Variants in LRAT observed in about 807,000 individuals in gnomAD.
LRAT encodes the protein lecithin retinol acyltransferase.
A neutral mutation model predicts 14.2 loss-of-function variants in LRAT; 11 were observed. The ratio of observed to expected loss-of-function variants is 0.78; its 90% confidence interval spans 0.49 to 1.29. The LOEUF is 1.29. Ranked by LOEUF, LRAT falls within the 50% of genes most tolerant of loss-of-function variation. The pLI, the probability that LRAT is intolerant of heterozygous loss-of-function variation, is 0.00. For synonymous variants in LRAT, 144 were observed against 124.8 expected, an observed-to-expected ratio of 1.15 and a Z score of -1.03; for missense variants, 274 against 292.4, an observed-to-expected ratio of 0.94 and a Z score of 0.46.
upstream of LRAT, among the ~76,000 whole-genome samples, chr4:154,742,717 C>T (rs1732790417): frequency 6.6e-6 from 1 of 152,128 alleles, no homozygotes; most frequent in Non-Finnish European, 1.5e-5. Context: ...AACGCTTCAG[C>T]GGCTCCCTCA....
rs747476694 is a variant in LRAT, at chr4:154,744,031, GC to G, written c.-188del. Reference sequence around the variant, plus strand: ...CGCGCGCGGCCCTGCCCCCGGCACGGCCCCCAGGTGCGCTCCTTCTCCGGCT... The same window carrying G: ...CGCGCGCGGCCCTGCCCCCGGCACGGCCCCAGGTGCGCTCCTTCTCCGGCT... On this transcript the variant is annotated 5_prime_UTR_variant, in exon 1 of 3. Transcript: ENST00000336356. 2.2e-6 allele frequency: 1 copy of G among 459,828 alleles called. No homozygotes were observed. The highest frequency in any genetic ancestry group is 4.0e-6 in the Non-Finnish European group (1 of 249,888). The allele number at this position is 459,828 out of a possible 1,614,324, so 28.5% of individuals were successfully genotyped here.
chr4:154,744,337 C>T lies in LRAT; in HGVS notation c.11C>T (p.Pro4Leu). ...CCTCTTCCCTGCAGGATGAAGAACC[C>T]CATGCTGGAGGTGGTGTCTTTACTA... MKN[P>L]MLEVVSLLLE... Residue 4 changes from proline (P) to leucine (L), a missense_variant, in exon 2 of 3, where the codon CCC (proline) becomes CTC (leucine). Physicochemically the swap from Pro to Leu is moderately conservative, Grantham distance 98. Transcript: ENST00000336356. 1 of 1,614,144 alleles carries T rather than the reference C, an allele frequency of 6.2e-7. No individual in the cohort carries two copies. Among genetic ancestry groups the T allele is most frequent in the Non-Finnish European group, 8.5e-7 (1 of 1,180,042 alleles).
At chr4:154,747,806 A>G (rs1057141587) in intron 2 of LRAT, among the ~76,000 whole-genome samples, 20 of 152,138 alleles carry the variant, frequency 1.3e-4, no homozygotes, top group Non-Finnish European at 2.5e-4. Context: ...TAGTTTATTA[A>G]AAAAGGACAA....
chr4:154,747,619 C>T (rs1274825785), intron 2 of LRAT, among the ~76,000 whole-genome samples: 2 of 151,876 alleles, frequency 1.3e-5, no homozygotes, highest in South Asian at 2.1e-4. Flanking sequence ...GAAATACAGT[C>T]GAAAATGATT....
At chr4:154,746,579 A>G (rs1220767280) in intron 2 of LRAT, among the ~76,000 whole-genome samples, 2 of 152,192 alleles carry the variant, frequency 1.3e-5, no homozygotes, top group African/African-American at 2.4e-5. Context: ...CAAAGTGTAC[A>G]AAAGGAAACA....
rs1407863514 is a variant in LRAT, at chr4:154,753,100, TAA to T, written c.*3966_*3967del. On this transcript the variant is annotated 3_prime_UTR_variant, in exon 3 of 3. Transcript: ENST00000336356. Reference sequence around the variant, plus strand: ...ATATTTGGTATACATGCATGTCAAATAAAGTTAATTTTACATACTATTCTCTC... The same window carrying T: ...ATATTTGGTATACATGCATGTCAAATAGTTAATTTTACATACTATTCTCTC... 2.0e-5 allele frequency: 3 copies of T among 152,238 alleles called. No individual in the cohort carries two copies. Among genetic ancestry groups the T allele is most frequent in the African/African-American group, 7.2e-5 (3 of 41,472 alleles). 9.4% of individuals were successfully genotyped at this position (152,238 alleles called of 1,614,324 possible). A position where few individuals can be genotyped will look rare whatever the true frequency, so the allele number is the denominator to read the frequency against.
In LRAT at chr4:154,744,811, A is replaced by T; in HGVS notation, c.485A>T (p.Glu162Val). Residue 162 changes from glutamate (E) to valine (V), a missense_variant, in exon 2 of 3, where the codon GAG becomes GTG. Physicochemically the swap from Glu to Val is moderately radical, Grantham distance 121. Transcript: ENST00000336356. ...TPYSLLWNNC[E>V]HFVTYCRYGT... ...TACAGCCTGCTGTGGAACAACTGCGAGCACTTCGTGACCTACTGCAGATAT... is the reference window on the plus strand; with the variant it reads ...TACAGCCTGCTGTGGAACAACTGCGTGCACTTCGTGACCTACTGCAGATAT... 1 of 1,613,976 alleles carries T rather than the reference A, an allele frequency of 6.2e-7. No homozygotes were observed. The highest frequency in any genetic ancestry group is 8.5e-7 in the Non-Finnish European group (1 of 1,180,024).
At position 154,753,009 on chromosome 4, in the gene LRAT, A is replaced by G. The variant is rs1255652843; in HGVS notation, c.*3873A>G. 3 of 152,216 alleles carry G rather than the reference A, an allele frequency of 2.0e-5. No individual in the cohort carries two copies. The highest frequency in any genetic ancestry group is 6.5e-5 in the Admixed American group (1 of 15,286). 9.4% of individuals were successfully genotyped at this position (152,216 alleles called of 1,614,324 possible). On this transcript the variant is annotated 3_prime_UTR_variant, in exon 3 of 3. Transcript: ENST00000336356. ...GAGAAGCATATAAGAAATGGTTGCC[A>G]ATCTTTGTTTTGTATGATCTATTTA... is the stretch of plus-strand genomic sequence containing the variant.
At position 154,744,321 on chromosome 4, in the gene LRAT, T is replaced by C; in HGVS notation, c.-1-5T>C. 6.2e-7 allele frequency: 1 copy of C among 1,613,964 alleles called. No individual in the cohort carries two copies. On this transcript the variant is annotated splice_polypyrimidine_tract_variant and splice_region_variant and intron_variant, in intron 1 of 2. Coordinates refer to ENST00000336356, the MANE Select transcript of LRAT (RefSeq NM_004744.5). Reference sequence around the variant, plus strand: ...CACCTCTCCAAGACGCCCTCTTCCCTGCAGGATGAAGAACCCCATGCTGGA... The same window carrying C: ...CACCTCTCCAAGACGCCCTCTTCCCCGCAGGATGAAGAACCCCATGCTGGA...
At chr4:154,742,432 G>C (rs981336976), upstream of LRAT, among the ~76,000 whole-genome samples, 5 of 152,076 alleles carry the variant, frequency 3.3e-5, no homozygotes, top group Non-Finnish European at 7.4e-5. Context: ...CGGCCTCCAA[G>C]GATAATGGGG....
chr4:154,746,788 CT>C, intron 2 of LRAT, among the ~76,000 whole-genome samples: 1 of 152,202 alleles, frequency 6.6e-6, no homozygotes, highest in African/African-American at 2.4e-5. Context: ...AGTTTTTCAT[CT>C]TTGGAAACTT....
chr4:154,744,460 T>C lies in LRAT; in HGVS notation c.134T>C (p.Phe45Ser), dbSNP rs1451408966. ...AACAGTTTTTATGAAACCAGCTCTTTCCACCGAGGCGACGTGCTGGAGGTG... is the reference window on the plus strand; with the variant it reads ...AACAGTTTTTATGAAACCAGCTCTTCCCACCGAGGCGACGTGCTGGAGGTG... The part of the protein sequence containing the change: ...GRNSFYETSS[F>S]HRGDVLEVPR... Residue 45 changes from phenylalanine to serine, a missense_variant, in exon 2 of 3, where the codon TTC becomes TCC. Physicochemically the swap from Phe to Ser is radical, Grantham distance 155. Transcript: ENST00000336356. 10 of 1,613,994 alleles carry C rather than the reference T, an allele frequency of 6.2e-6. No homozygotes were observed. Among genetic ancestry groups the C allele is most frequent in the Non-Finnish European group, 2.5e-6 (3 of 1,180,004 alleles).
chr4:154,742,240 T>C (rs1732782231), upstream of LRAT, among the ~76,000 whole-genome samples: 4 of 152,150 alleles, frequency 2.6e-5, no homozygotes. Flanking sequence ...TAAAAAAATC[T>C]CCACGTCCAC....
In LRAT at chr4:154,744,815, C is replaced by A; in HGVS notation, c.489C>A (p.His163Gln). The A allele has an allele frequency of 6.2e-7, 1 of 1,613,988 alleles. No individual in the cohort carries two copies. The highest frequency in any genetic ancestry group is 8.5e-7 in the Non-Finnish European group (1 of 1,180,020). ...PYSLLWNNCE[H>Q]FVTYCRYGTP... The stretch of plus-strand genomic sequence containing the variant: ...GCCTGCTGTGGAACAACTGCGAGCA[C>A]TTCGTGACCTACTGCAGATATGGCA... Residue 163 changes from histidine (H) to glutamine (Q), a missense_variant, in exon 2 of 3, where the codon CAC (histidine) becomes CAA (glutamine). Coordinates refer to ENST00000336356, the MANE Select transcript of LRAT (RefSeq NM_004744.5).
In LRAT at chr4:154,744,723, A is replaced by G. The variant is rs1423086765; in HGVS notation, c.397A>G (p.Lys133Glu). 1.9e-6 allele frequency: 3 copies of G among 1,614,022 alleles called. No individual in the cohort carries two copies. Among genetic ancestry groups the G allele is most frequent in the Non-Finnish European group, 2.5e-6 (3 of 1,179,986 alleles). ...LVNHLDESLQ[K>E]KALLNEEVAR... ...CAATCACCTGGACGAGTCCCTCCAG[A>G]AAAAGGCACTGCTCAACGAGGAGGT... The change falls in exon 2 of 3, where the codon AAA becomes GAA. Residue 133 changes from lysine (K) to glutamate (E), a missense_variant. Lys to Glu is a moderately conservative substitution (Grantham distance 56). Coordinates refer to ENST00000336356, the MANE Select transcript of LRAT (RefSeq NM_004744.5).
At chr4:154,742,170 A>G (rs1197240010), upstream of LRAT, among the ~76,000 whole-genome samples, 1 of 152,094 alleles carries the variant, frequency 6.6e-6, no homozygotes, top group African/African-American at 2.4e-5. Context: ...GCAGCTGATG[A>G]GTTTCAGCAA....
In LRAT at chr4:154,751,278, T is replaced by G. The variant is rs1732984028; in HGVS notation, c.*2142T>G. 1 of 152,300 alleles carries G rather than the reference T, an allele frequency of 6.6e-6. No homozygotes were observed. Among genetic ancestry groups the G allele is most frequent in the Non-Finnish European group, 1.5e-5 (1 of 68,022 alleles). The allele number at this position is 152,300 out of a possible 1,614,324, so 9.4% of individuals were successfully genotyped here. A position where few individuals can be genotyped will look rare whatever the true frequency, so the allele number is the denominator to read the frequency against. ...TATCACACTGATGTGTTCAACTGTT[T>G]ATGGGAAAAGGAAACTAGGATGGTT... On this transcript the variant is annotated 3_prime_UTR_variant, in exon 3 of 3. Transcript: ENST00000336356.
Position 154,744,722 on chromosome 4 carries a change from GA to G in LRAT, c.401del (p.Lys134ArgfsTer32). The G allele has an allele frequency of 2.5e-6, 4 of 1,614,212 alleles. No homozygotes were observed. Among genetic ancestry groups the G allele is most frequent in the Non-Finnish European group, 3.4e-6 (4 of 1,180,046 alleles). ...LVNHLDESLQ[K>X]KALLNEEVAR... is the part of the protein sequence containing the mutation. ...TCAATCACCTGGACGAGTCCCTCCA[GA>G]AAAAGGCACTGCTCAACGAGGAGGT... On this transcript the variant is annotated frameshift_variant, in exon 2 of 3. Transcript: ENST00000336356. LOFTEE classifies it high-confidence loss of function.
At position 154,752,802 on chromosome 4, in the gene LRAT, T is replaced by A. The variant is rs1733023449; in HGVS notation, c.*3666T>A. Reference sequence around the variant, plus strand: ...TATTGGATACTCCTAATTTTAGCTCTGTTAGATATGTTTCTTTCTAAGGAC... The same window carrying A: ...TATTGGATACTCCTAATTTTAGCTCAGTTAGATATGTTTCTTTCTAAGGAC... On this transcript the variant is annotated 3_prime_UTR_variant, in exon 3 of 3. Transcript: ENST00000336356. The A allele has an allele frequency of 6.6e-6, 1 of 152,242 alleles. No homozygotes were observed. Among genetic ancestry groups the A allele is most frequent in the Admixed American group, 6.5e-5 (1 of 15,288 alleles). The allele number at this position is 152,242 out of a possible 1,614,324, so 9.4% of individuals were successfully genotyped here.
Sources: gnomAD v4.1 joint callset for allele counts (sites outside exome capture counted in the v4.1 genomes callset) on GRCh38, gnomAD v4.1.1 for gene constraint, MANE v1.5 for transcripts, NCBI Gene and HGNC (gene_info 2026-07-23, HGNC 2026-07-21) for gene names.